The following ARID4B variants were observed in gnomAD, a reference collection of about 807,000 sequenced individuals.
The protein encoded by ARID4B is AT-rich interaction domain 4B.
ARID4B carries 26 observed loss-of-function variants against 147.5 expected under a neutral mutation model. That is an observed-to-expected ratio of 0.18 (90% CI 0.13 to 0.24). The LOEUF is 0.24. Among genes scored for constraint, ARID4B ranks in the 10% least tolerant of loss-of-function variants. The pLI is 1.00. For missense variants in ARID4B, 1,179 were observed against 1,511.5 expected (o/e 0.78, Z 3.65); for synonymous variants, 512 against 507.9 (o/e 1.01, Z -0.11).
intron 3 of ARID4B, among the ~76,000 whole-genome samples, chr1:235,257,479 T>C (rs1670054745): frequency 6.6e-6 from 1 of 152,124 alleles, no homozygotes; most frequent in African/African-American, 2.4e-5. Flanking sequence ...CATTTTTTTT[T>C]TTTTTAACTT....
intron 2 of ARID4B, among the ~76,000 whole-genome samples, chr1:235,310,369 G>A (rs1341239941): frequency 6.6e-6 from 1 of 152,168 alleles, no homozygotes; most frequent in Non-Finnish European, 1.5e-5. Context: ...ATAATAACTA[G>A]TAGAGAGGCA....
At chr1:235,200,332 G>A (rs367851302) in intron 17 of ARID4B, among the ~76,000 whole-genome samples, 7 of 152,282 alleles carry the variant, frequency 4.6e-5, no homozygotes, top group Middle Eastern at 3.4e-3. Flanking sequence ...GGTAGCGGGC[G>A]CCTGTAGTCC....
chr1:235,225,131 C>G (rs546392805), intron 11 of ARID4B, among the ~76,000 whole-genome samples: 10 of 152,224 alleles, frequency 6.6e-5, no homozygotes, highest in African/African-American at 2.4e-4. Flanking sequence ...TTCAAGAATA[C>G]CTACTCTCAA....
At chr1:235,177,449 G>C (rs1302942585) in intron 21 of ARID4B, among the ~76,000 whole-genome samples, 1 of 151,796 alleles carries the variant, frequency 6.6e-6, no homozygotes, top group African/African-American at 2.4e-5. Flanking sequence ...TTTTTGTTTT[G>C]TTTTGTTTGT....
Position 235,193,994 on chromosome 1 carries a change from G to GT in ARID4B, c.2125+18_2125+19insA. Reference sequence around the variant, plus strand: ...ATTAAAATCAAATACTTGCACAACAGAACGATTGTTATGTTTACCTTGAAG... The same window carrying GT: ...ATTAAAATCAAATACTTGCACAACAGTAACGATTGTTATGTTTACCTTGAAG... On this transcript the variant is annotated intron_variant, in intron 19 of 23. Transcript: ENST00000264183. The GT allele has an allele frequency of 6.6e-7, 1 of 1,520,984 alleles. No individual in the cohort carries two copies. Among genetic ancestry groups the GT allele is most frequent in the Non-Finnish European group, 9.0e-7 (1 of 1,105,608 alleles). The allele number at this position is 1,520,984 out of a possible 1,614,324, so 94.2% of individuals were successfully genotyped here. A position where few individuals can be genotyped will look rare whatever the true frequency, so the allele number is the denominator to read the frequency against.
At chr1:235,207,989 TAC>T in intron 17 of ARID4B, among the ~76,000 whole-genome samples, 1 of 152,374 alleles carries the variant, frequency 6.6e-6, no homozygotes, top group African/African-American at 2.4e-5. Flanking sequence ...ACTGAAGTTT[TAC>T]AGTGTCTCTT....
intron 17 of ARID4B, 78 bp downstream of exon 17, chr1:235,213,691 C>A (rs1666855425): frequency 1.4e-6 from 2 of 1,425,696 alleles, no homozygotes; most frequent in Non-Finnish European, 1.9e-6. Context: ...AATCTGTAAT[C>A]CATTACTTAA....
At chr1:235,229,171 C>T in intron 11 of ARID4B, 60 bp downstream of exon 11, 1 of 1,564,498 alleles carries the variant, frequency 6.4e-7, no homozygotes, top group Non-Finnish European at 8.6e-7. Context: ...AAATCCTAAC[C>T]CACAAGGGAA....
intron 2 of ARID4B, among the ~76,000 whole-genome samples, chr1:235,261,741 T>A (rs1377972280): frequency 1.3e-5 from 2 of 152,246 alleles, no homozygotes; most frequent in Non-Finnish European, 1.5e-5. Flanking sequence ...TAGTTTTTAA[T>A]AGCTGCTCTT....
At chr1:235,218,327 T>C (rs2103018832) in intron 16 of ARID4B, among the ~76,000 whole-genome samples, 1 of 152,202 alleles carries the variant, frequency 6.6e-6, no homozygotes, top group South Asian at 2.1e-4. Flanking sequence ...AAAATACAGT[T>C]TATTCTATAA....
At chr1:235,327,102 C>T in intron 1 of ARID4B, 134 bp from the exon 2 acceptor site, 1 of 631,554 alleles carries the variant, frequency 1.6e-6, no homozygotes, top group Non-Finnish European at 2.8e-6. Flanking sequence ...CCCGAACCAT[C>T]ACACGCCGAC....
At chr1:235,322,375 C>T (rs151018258) in intron 2 of ARID4B, among the ~76,000 whole-genome samples, 37 of 152,260 alleles carry the variant, frequency 2.4e-4, no homozygotes, top group African/African-American at 8.7e-4. Context: ...CCCTTTTATT[C>T]CTACCCAAAC....
At chr1:235,262,628 TTTA>T (rs1470432038) in intron 2 of ARID4B, among the ~76,000 whole-genome samples, 1 of 152,168 alleles carries the variant, frequency 6.6e-6, no homozygotes, top group African/African-American at 2.4e-5. Flanking sequence ...TACTAGTGGC[TTTA>T]TTTAAGCAAT....
At chr1:235,260,894 A>G (rs1299423262) in intron 2 of ARID4B, 142 bp from the exon 3 acceptor site, 1 of 571,538 alleles carries the variant, frequency 1.7e-6, no homozygotes, top group Non-Finnish European at 3.0e-6. Context: ...TCTATAAAAT[A>G]CTATAAATTA....
At chr1:235,273,068 C>A (rs1193336100) in intron 2 of ARID4B, among the ~76,000 whole-genome samples, 1 of 152,162 alleles carries the variant, frequency 6.6e-6, no homozygotes, top group African/African-American at 2.4e-5. Context: ...AAGTTCCTGG[C>A]AGTTATATTT....
chr1:235,295,703 G>T (rs989577493), intron 2 of ARID4B, among the ~76,000 whole-genome samples: 5 of 151,806 alleles, frequency 3.3e-5, no homozygotes, highest in African/African-American at 1.2e-4. Context: ...CCAGCTACTC[G>T]GGAGGCTGAG....
chr1:235,297,128 A>G (rs76378141), intron 2 of ARID4B, among the ~76,000 whole-genome samples: 20,190 of 152,122 alleles, frequency 0.13, 1,876 homozygotes, highest in Middle Eastern at 0.21. Flanking sequence ...TGCCAGAAAG[A>G]GAGTAAGTTA....
chr1:235,247,650 C>T (rs868253232), intron 6 of ARID4B, among the ~76,000 whole-genome samples: 8 of 152,160 alleles, frequency 5.3e-5, no homozygotes, highest in African/African-American at 1.4e-4. Flanking sequence ...TTAGTTTGTA[C>T]AGAACCTAAC....
At chr1:235,287,456 T>G (rs1007140247) in intron 2 of ARID4B, among the ~76,000 whole-genome samples, 6 of 152,128 alleles carry the variant, frequency 3.9e-5, no homozygotes, top group South Asian at 2.1e-4. Flanking sequence ...ACAGTCTCAT[T>G]GTGTGTTCTG....
Sources: allele counts gnomAD v4.1 joint callset (sites outside exome capture counted in the v4.1 genomes callset), GRCh38; gene constraint gnomAD v4.1.1; transcripts MANE v1.5; gene names NCBI Gene and HGNC (gene_info 2026-07-23, HGNC 2026-07-21).